The following COX6A1 variants were observed in gnomAD, a reference collection of about 807,000 sequenced individuals.
COX6A1 encodes the protein cytochrome c oxidase subunit 6A1, also known as cytochrome c oxidase subunit 6A1, mitochondrial.
COX6A1 carries 10 observed loss-of-function variants against 11.3 expected under a neutral mutation model. The ratio of observed to expected loss-of-function variants is 0.88; its 90% CI spans 0.54 to 1.50. The LOEUF (loss-of-function observed/expected upper bound fraction) is 1.50. COX6A1 is among the 40% of genes most tolerant of loss of function. COX6A1 has a pLI of 0.00. For synonymous variants in COX6A1, 81 were observed against 60.6 expected, an observed-to-expected ratio of 1.34 and a Z score of -1.57; for missense variants, 149 against 147.6, an observed-to-expected ratio of 1.01 and a Z score of -0.05.
Position 120,439,395 on chromosome 12 carries a change from C to T in COX6A1, c.246+874C>T, listed in dbSNP as rs892263231. On this transcript the variant is annotated intron_variant, in intron 2 of 2. Coordinates refer to ENST00000229379, the MANE Select transcript of COX6A1 (RefSeq NM_004373.4). ...TACAAAAAGTAGCCGGGCGTGGTGG[C>T]GGGCGCCTGTAATCCCAGCTACTCG... 3.3e-5 allele frequency among the ~76,000 whole-genome samples: 5 copies of T among 151,980 alleles called. No individual in the cohort carries two copies. The East Asian group carries it at 7.7e-4, about 24-fold the overall frequency.
chr12:120,438,788 CTTTTTTTTT>C lies in COX6A1; in HGVS notation c.246+285_246+293del, dbSNP rs376239130. On this transcript the variant is annotated intron_variant, in intron 2 of 2. Coordinates refer to ENST00000229379, the MANE Select transcript of COX6A1 (RefSeq NM_004373.4). The stretch of plus-strand genomic sequence containing the variant: ...CTACCTCCTGCCTTCTGAGACAGTT[CTTTTTTTTT>C]TTTTTTTTTTTTTTTTTACTTCTGA... 1.5e-3 allele frequency: 178 copies of C among 120,080 alleles called. 1 individual carries two copies. The East Asian group carries it at 0.031, about 21-fold the overall frequency. 7.4% of individuals were successfully genotyped at this position (120,080 alleles called of 1,614,324 possible).
intron 2 of COX6A1, chr12:120,438,840 T>C (rs541992520): frequency 3.9e-6 from 1 of 259,728 alleles, no homozygotes; most frequent in African/African-American, 2.6e-5. Context: ...CTGAAACAGG[T>C]GTCCGTTGTG....
intron 2 of COX6A1, among the ~76,000 whole-genome samples, chr12:120,439,283 T>TTGGGAGGCCAAGGTGGGTGGATCGCCG (rs1275657265): frequency 1.3e-5 from 2 of 152,218 alleles, no homozygotes; most frequent in Non-Finnish European, 2.9e-5. Context: ...TCCCAGCACT[T>TTGGGAGGCCAAGGTGGGTGGATCGCCG]TGGGAGGCCA....
chr12:120,438,142 G>C lies in COX6A1; in HGVS notation c.16G>C (p.Val6Leu). ...CAGATCAAAAATGGCGGTAGTTGGT[G>C]TGTCCTCGGTTTCTCGGCTGCTGGG... MAVVG[V>L]SSVSRLLGRS... The change falls in exon 1 of 3, where the codon GTG becomes CTG. Residue 6 changes from valine to leucine, a missense_variant. Physicochemically the swap from Val to Leu is conservative, Grantham distance 32. Coordinates refer to ENST00000229379, the MANE Select transcript of COX6A1 (RefSeq NM_004373.4). The C allele has an allele frequency of 6.2e-7, 1 of 1,613,632 alleles. No homozygotes were observed. The highest frequency in any genetic ancestry group is 8.5e-7 in the Non-Finnish European group (1 of 1,179,918).
At chr12:120,439,048 CAA>C (rs1229945159) in intron 2 of COX6A1, among the ~76,000 whole-genome samples, 1 of 151,966 alleles carries the variant, frequency 6.6e-6, no homozygotes, top group African/African-American at 2.4e-5. Flanking sequence ...CAAAACAAAA[CAA>C]AACAGCAACA....
intron 2 of COX6A1, among the ~76,000 whole-genome samples, chr12:120,439,527 C>T (rs942358475): frequency 6.6e-6 from 1 of 151,150 alleles, no homozygotes; most frequent in African/African-American, 2.4e-5. Flanking sequence ...AGTGAAACTC[C>T]GTCTCAAAAA....
chr12:120,438,331 C>A lies in COX6A1; in HGVS notation c.104-48C>A, dbSNP rs761544354. On this transcript the variant is annotated intron_variant, in intron 1 of 2. Coordinates refer to ENST00000229379, the MANE Select transcript of COX6A1 (RefSeq NM_004373.4). ...AGGCCTTGCGGGAGGGAAAGTGAGACCCGGGCCCGCCCCATACCGGCGCTG... is the reference window on the plus strand; with the variant it reads ...AGGCCTTGCGGGAGGGAAAGTGAGAACCGGGCCCGCCCCATACCGGCGCTG... 9.5e-5 allele frequency: 154 copies of A among 1,613,828 alleles called. 1 individual carries two copies. In the South Asian group the frequency reaches 1.6e-3, roughly 17 times the overall value.
At position 120,438,159 on chromosome 12, in the gene COX6A1, G is replaced by C. The variant is rs1041036755; in HGVS notation, c.33G>C (p.Arg11=). The change falls in exon 1 of 3, where the codon CGG becomes CGC. Residue 11 remains arginine (R), a synonymous_variant. Transcript: ENST00000229379. ...TAGTTGGTGTGTCCTCGGTTTCTCG[G>C]CTGCTGGGTCGGTCCCGCCCACAGC... MAVVGVSSVS[R]LLGRSRPQLG... is the part of the protein sequence containing the mutation. 6.2e-7 allele frequency: 1 copy of C among 1,613,812 alleles called. No homozygotes were observed. The highest frequency in any genetic ancestry group is 8.5e-7 in the Non-Finnish European group (1 of 1,179,964).
chr12:120,438,785 GTTC>G (rs1156883403), intron 2 of COX6A1: 10 of 152,868 alleles, frequency 6.5e-5, no homozygotes, highest in East Asian at 2.7e-4. Context: ...TTCTGAGACA[GTTC>G]TTTTTTTTTT....
chr12:120,439,612 T>C (rs1565909718), intron 2 of COX6A1, among the ~76,000 whole-genome samples: 2 of 152,094 alleles, frequency 1.3e-5, no homozygotes, highest in African/African-American at 4.8e-5. Flanking sequence ...ATTATTATTA[T>C]TATTACATCA....
intron 2 of COX6A1, 192 bp downstream of exon 2, chr12:120,438,713 T>C (rs1163990910): frequency 1.4e-5 from 10 of 690,696 alleles, no homozygotes; most frequent in Non-Finnish European, 2.2e-5. Context: ...ATTCTCTTCT[T>C]CAAGGTCATA....
chr12:120,438,316 G>A, intron 1 of COX6A1, 63 bp from the exon 2 acceptor site: 1 of 1,613,610 alleles, frequency 6.2e-7, no homozygotes, highest in Non-Finnish European at 8.5e-7. Flanking sequence ...AGGCCTTGCG[G>A]GAGGGAAAGT....
intron 2 of COX6A1, among the ~76,000 whole-genome samples, chr12:120,439,277 A>G (rs1255209114): frequency 6.6e-6 from 1 of 152,220 alleles, no homozygotes; most frequent in Non-Finnish European, 1.5e-5. Context: ...CTGTAATCCC[A>G]GCACTTTGGG....
chr12:120,438,186 G>A lies in COX6A1; in HGVS notation c.60G>A (p.Leu20=), dbSNP rs1877617095. The change falls in exon 1 of 3, where the codon CTG becomes CTA. Residue 20 remains leucine (L), a synonymous_variant. Transcript: ENST00000229379. Reference sequence around the variant, plus strand: ...TGCTGGGTCGGTCCCGCCCACAGCTGGGGCGGCCTATGTCGAGTGGCGCCC... The same window carrying A: ...TGCTGGGTCGGTCCCGCCCACAGCTAGGGCGGCCTATGTCGAGTGGCGCCC... ...SRLLGRSRPQ[L]GRPMSSGAHG... 6.2e-7 allele frequency: 1 copy of A among 1,613,972 alleles called. No homozygotes were observed. Among genetic ancestry groups the A allele is most frequent in the Non-Finnish European group, 8.5e-7 (1 of 1,179,964 alleles).
intron 2 of COX6A1, chr12:120,440,168 G>C (rs925241102): frequency 3.3e-6 from 1 of 306,970 alleles, no homozygotes; most frequent in Non-Finnish European, 6.3e-6. Flanking sequence ...GGATATACTA[G>C]TTACTAGGGA....
chr12:120,438,146 C>T lies in COX6A1; in HGVS notation c.20C>T (p.Ser7Phe), dbSNP rs375856274. The T allele has an allele frequency of 4.8e-5, 77 of 1,613,560 alleles. No individual in the cohort carries two copies. In the African/African-American group the frequency reaches 5.3e-4, roughly 11 times the overall value. Reference protein sequence around the residue: MAVVGVSSVSRLLGRSR... With the variant: MAVVGVFSVSRLLGRSR... ...TCAAAAATGGCGGTAGTTGGTGTGTCCTCGGTTTCTCGGCTGCTGGGTCGG... is the reference window on the plus strand; with the variant it reads ...TCAAAAATGGCGGTAGTTGGTGTGTTCTCGGTTTCTCGGCTGCTGGGTCGG... Residue 7 changes from serine (S) to phenylalanine (F), a missense_variant, in exon 1 of 3, where the codon TCC becomes TTC. Coordinates refer to ENST00000229379, the MANE Select transcript of COX6A1 (RefSeq NM_004373.4).
At chr12:120,439,575 C>T (rs969415773) in intron 2 of COX6A1, among the ~76,000 whole-genome samples, 2 of 151,832 alleles carry the variant, frequency 1.3e-5, no homozygotes, top group Non-Finnish European at 2.9e-5. Flanking sequence ...GCCAAAAGGC[C>T]GAGAAGTGAT....
chr12:120,438,783 C>T, intron 2 of COX6A1: 1 of 249,234 alleles, frequency 4.0e-6, no homozygotes, highest in South Asian at 4.9e-5. Context: ...CCTTCTGAGA[C>T]AGTTCTTTTT....
chr12:120,439,644 C>G (rs896438101), intron 2 of COX6A1, among the ~76,000 whole-genome samples: 1 of 152,070 alleles, frequency 6.6e-6, no homozygotes, highest in African/African-American at 2.4e-5. Context: ...TAGGACTGGC[C>G]TTGTAGAAAC....
Sources: allele counts gnomAD v4.1 joint callset (sites outside exome capture counted in the v4.1 genomes callset), GRCh38; gene constraint gnomAD v4.1.1; transcripts MANE v1.5; gene names NCBI Gene and HGNC (gene_info 2026-07-23, HGNC 2026-07-21).